Variants in CHAF1B observed in about 807,000 individuals in gnomAD.
CHAF1B encodes CAF-1 subunit B.
A neutral mutation model predicts 60.7 loss-of-function variants in CHAF1B; 10 were observed. The observed-to-expected ratio is 0.16, with a 90% CI of 0.10 to 0.28. The LOEUF is 0.28. CHAF1B is among the 10% of genes least tolerant of loss of function. CHAF1B has a pLI of 1.00. For missense variants in CHAF1B, 558 were observed against 708.4 expected (o/e 0.79, Z 2.41); for synonymous variants, 261 against 266.1 (o/e 0.98, Z 0.19).
At chr21:36,416,142 C>G in intron 13 of CHAF1B, 133 bp from the exon 14 acceptor site, 1 of 741,144 alleles carries the variant, frequency 1.3e-6, no homozygotes, top group Non-Finnish European at 2.2e-6. Flanking sequence ...CTCTATAGAA[C>G]TTCCATTATA....
intron 8 of CHAF1B, among the ~76,000 whole-genome samples, chr21:36,403,458 A>T (rs1035187595): frequency 8.6e-6 from 1 of 116,056 alleles, no homozygotes; most frequent in African/African-American, 5.5e-5. Context: ...TCTTATCTAA[A>T]AAAAAAAAAA....
intron 10 of CHAF1B, among the ~76,000 whole-genome samples, chr21:36,409,748 T>C (rs913213040): frequency 6.6e-6 from 1 of 152,098 alleles, no homozygotes; most frequent in Non-Finnish European, 1.5e-5. Context: ...TCCACCTGCC[T>C]CGGCCTCCCA....
intron 12 of CHAF1B, among the ~76,000 whole-genome samples, chr21:36,413,629 C>T (rs890584966): frequency 1.9e-4 from 29 of 152,158 alleles, no homozygotes; most frequent in African/African-American, 7.0e-4. Context: ...CCGGCCTAGT[C>T]CTGAATGTCA....
At chr21:36,392,612 G>A (rs936070883) in intron 4 of CHAF1B, among the ~76,000 whole-genome samples, 2 of 151,468 alleles carry the variant, frequency 1.3e-5, no homozygotes, top group African/African-American at 4.9e-5. Context: ...CTTCCCAGAC[G>A]GGGCGGCTGC....
intron 8 of CHAF1B, 94 bp from the exon 9 acceptor site, chr21:36,408,667 C>A: frequency 1.2e-6 from 1 of 826,602 alleles, no homozygotes; most frequent in Non-Finnish European, 2.1e-6. Context: ...AAGTATTTTG[C>A]AAACCGGACC....
intron 3 of CHAF1B, among the ~76,000 whole-genome samples, chr21:36,391,247 C>T (rs1415464860): frequency 6.6e-6 from 1 of 152,096 alleles, no homozygotes; most frequent in Non-Finnish European, 1.5e-5. Context: ...TGCCTACTTT[C>T]CCTGTTGAAA....
At chr21:36,409,585 A>C in intron 10 of CHAF1B, 120 bp downstream of exon 10, 1 of 514,444 alleles carries the variant, frequency 1.9e-6, no homozygotes, top group Non-Finnish European at 3.5e-6. Context: ...GGTTCAGTTC[A>C]GTTATTTTAA....
chr21:36,398,636 A>C (rs1433512109), intron 6 of CHAF1B, among the ~76,000 whole-genome samples: 1 of 152,256 alleles, frequency 6.6e-6, no homozygotes, highest in Non-Finnish European at 1.5e-5. Flanking sequence ...CTGGGATTAC[A>C]GGCGTGAGCC....
chr21:36,411,053 A>G (rs1250216108), intron 10 of CHAF1B, among the ~76,000 whole-genome samples: 1 of 151,316 alleles, frequency 6.6e-6, no homozygotes, highest in Non-Finnish European at 1.5e-5. Context: ...CTTTTTGATT[A>G]GATACTAGAC....
intron 8 of CHAF1B, among the ~76,000 whole-genome samples, chr21:36,407,104 C>A (rs1318996236): frequency 6.6e-6 from 1 of 152,030 alleles, no homozygotes; most frequent in Non-Finnish European, 1.5e-5. Flanking sequence ...GAGTTCAAGA[C>A]CAGCCTGGCC....
chr21:36,399,486 C>T (rs1462078836), intron 6 of CHAF1B, 35 bp from the exon 7 acceptor site: 3 of 1,565,128 alleles, frequency 1.9e-6, no homozygotes, highest in Non-Finnish European at 2.6e-6. Context: ...AATTCATTTA[C>T]TAGAAGTGGT....
chr21:36,409,314 T>C, intron 9 of CHAF1B, 60 bp from the exon 10 acceptor site: 3 of 1,403,762 alleles, frequency 2.1e-6, no homozygotes, highest in Non-Finnish European at 3.0e-6. Flanking sequence ...ATGTTTACCT[T>C]TTATTTTTGC....
Position 36,413,449 on chromosome 21 carries a change from C to T in CHAF1B, c.1493+134C>T, listed in dbSNP as rs1417161914. ...AGTAGGTTGCCAGAGAGATTCTTAA[C>T]TTCAAATCCGAGAGTGTCATTTCTT... On this transcript the variant is annotated intron_variant, in intron 12 of 13. Transcript: ENST00000314103. The T allele has an allele frequency of 8.4e-6, 7 of 830,148 alleles. No individual in the cohort carries two copies. In the Admixed American group the frequency reaches 1.5e-4, roughly 18 times the overall value. 51.4% of individuals were successfully genotyped at this position (830,148 alleles called of 1,614,324 possible). A position where few individuals can be genotyped will look rare whatever the true frequency, so the allele number is the denominator to read the frequency against.
At chr21:36,414,597 A>T (rs2086303106) in intron 12 of CHAF1B, among the ~76,000 whole-genome samples, 1 of 151,968 alleles carries the variant, frequency 6.6e-6, no homozygotes, top group Non-Finnish European at 1.5e-5. Flanking sequence ...GAAAATTAAG[A>T]CTCTGGGTTT....
rs146165618 is a variant in CHAF1B, at chr21:36,390,400, A to G, written c.260-1151A>G. ...TGCGTATGTCCTCACAACCTCATTCATTCACTGTCCTGCTGTGCACATTCC... is the reference window on the plus strand; with the variant it reads ...TGCGTATGTCCTCACAACCTCATTCGTTCACTGTCCTGCTGTGCACATTCC... On this transcript the variant is annotated intron_variant, in intron 3 of 13. Coordinates refer to ENST00000314103, the MANE Select transcript of CHAF1B (RefSeq NM_005441.3). Among the ~76,000 whole-genome samples, 418 of 152,078 alleles carry G rather than the reference A, an allele frequency of 2.7e-3. 5 individuals are homozygous for G. The highest frequency in any genetic ancestry group is 9.4e-3 in the African/African-American group (389 of 41,494).
chr21:36,401,136 G>A (rs1036214545), intron 7 of CHAF1B, among the ~76,000 whole-genome samples: 6 of 151,768 alleles, frequency 4.0e-5, no homozygotes, highest in African/African-American at 9.7e-5. Flanking sequence ...GCATAGTGGC[G>A]CATGCCTGTA....
chr21:36,398,437 G>A (rs886969556), intron 6 of CHAF1B, among the ~76,000 whole-genome samples: 2 of 152,052 alleles, frequency 1.3e-5, no homozygotes, highest in Admixed American at 1.3e-4. Flanking sequence ...TCGGCATACT[G>A]TAACCTCCAC....
intron 5 of CHAF1B, among the ~76,000 whole-genome samples, chr21:36,397,020 C>CACTTCGCTA (rs2086145768): frequency 6.6e-6 from 1 of 152,182 alleles, no homozygotes; most frequent in South Asian, 2.1e-4. Flanking sequence ...GCTCCATATT[C>CACTTCGCTA]ACTTCGCTAA....
In CHAF1B at chr21:36,404,927, A is replaced by G. The variant is rs548485931; in HGVS notation, c.757+2076A>G. Among the ~76,000 whole-genome samples the G allele has an allele frequency of 9.4e-4, 142 of 150,522 alleles. 6 individuals carry two copies. The South Asian group carries it at 0.029, about 31-fold the overall frequency. The stretch of plus-strand genomic sequence containing the variant: ...ACCAGATAATTTTTGTATTTTTAGT[A>G]GAGATGGGGTTTCGCCATGTTGGCC... On this transcript the variant is annotated intron_variant, in intron 8 of 13. Coordinates refer to ENST00000314103, the MANE Select transcript of CHAF1B (RefSeq NM_005441.3).
Sources: gnomAD v4.1 joint callset for allele counts (sites outside exome capture counted in the v4.1 genomes callset) on GRCh38, gnomAD v4.1.1 for gene constraint, MANE v1.5 for transcripts, NCBI Gene and HGNC (gene_info 2026-07-23, HGNC 2026-07-21) for gene names.